ARHGEF7: variants seen among roughly 807,000 people sequenced by gnomAD.
ARHGEF7 encodes the protein PAK-interacting exchange factor beta.
ARHGEF7 carries 33 observed loss-of-function variants against 109.8 expected under a neutral mutation model. That is an observed-to-expected ratio of 0.30 (90% CI 0.23 to 0.40). The LOEUF (loss-of-function observed/expected upper bound fraction) is 0.40. Among genes scored for constraint, ARHGEF7 ranks in the 10% least tolerant of loss-of-function variants. The pLI is 1.00. For missense variants in ARHGEF7, 938 were observed against 1,098.5 expected, an observed-to-expected ratio of 0.85 and a Z score of 2.07; for synonymous variants, 458 against 424.6, an observed-to-expected ratio of 1.08 and a Z score of -0.97.
chr13:111,171,091 A>G (rs2077557878), intron 2 of ARHGEF7, among the ~76,000 whole-genome samples: 1 of 152,240 alleles, frequency 6.6e-6, no homozygotes, highest in African/African-American at 2.4e-5. Flanking sequence ...CAAGGGCTTG[A>G]ACTCAAATGA....
At chr13:111,277,547 G>A in intron 12 of ARHGEF7, 40 bp from the exon 13 acceptor site, 1 of 1,322,592 alleles carries the variant, frequency 7.6e-7, no homozygotes, top group Non-Finnish European at 1.1e-6. Context: ...TTAAGTAGAT[G>A]TTTTTTAAGA....
At chr13:111,159,206 A>C in intron 2 of ARHGEF7, 1 of 635,104 alleles carries the variant, frequency 1.6e-6, no homozygotes, top group Non-Finnish European at 2.8e-6. Context: ...TGTTGCAAAT[A>C]ACAGGATTTC....
rs576635620 is a variant in ARHGEF7 at position 111,297,719 on chromosome 13, G to T, written c.2312-3029G>T. On this transcript the variant is annotated intron_variant, in intron 19 of 21. Coordinates refer to ENST00000646102, the MANE Select transcript of ARHGEF7 (RefSeq NM_001354046.2). ...TCTGGCTGGAGGCAGTGGACACGTG[G>T]CTCATGGCCTCACAACTCCCGTACG... Among the ~76,000 whole-genome samples the T allele has an allele frequency of 4.6e-5, 7 of 152,318 alleles. No individual in the cohort carries two copies. The South Asian group carries it at 1.2e-3, about 27-fold the overall frequency.
At chr13:111,180,559 G>C (rs1234958980) in intron 2 of ARHGEF7, among the ~76,000 whole-genome samples, 1 of 152,230 alleles carries the variant, frequency 6.6e-6, no homozygotes, top group Non-Finnish European at 1.5e-5. Flanking sequence ...GCCCCAGAAG[G>C]CTGTGTTGTA....
intron 8 of ARHGEF7, among the ~76,000 whole-genome samples, chr13:111,264,130 T>C (rs1212037735): frequency 6.6e-6 from 1 of 152,204 alleles, no homozygotes; most frequent in Non-Finnish European, 1.5e-5. Context: ...CCTTCTGTTG[T>C]GTTTTAATAA....
chr13:111,221,478 TAG>T (rs2084200398), intron 5 of ARHGEF7, among the ~76,000 whole-genome samples: 2 of 94,192 alleles, frequency 2.1e-5, no homozygotes, highest in African/African-American at 3.9e-5. Context: ...TCTATATATA[TAG>T]ATATATATAG....
chr13:111,218,621 C>G (rs2083433043), intron 5 of ARHGEF7, among the ~76,000 whole-genome samples: 1 of 152,002 alleles, frequency 6.6e-6, no homozygotes, highest in Non-Finnish European at 1.5e-5. Flanking sequence ...ATAGCTGATA[C>G]ACAGGGAGCT....
chr13:111,293,125 TCTACA>T (rs1313052218), intron 19 of ARHGEF7: 2 of 985,298 alleles, frequency 2.0e-6, no homozygotes, highest in Non-Finnish European at 2.4e-6. Flanking sequence ...CAGTAAAATC[TCTACA>T]CTAACAGTTT....
At position 111,133,763 on chromosome 13, in the gene ARHGEF7, TTATATATATATATATATATATA is replaced by T. The variant is rs763290549; in HGVS notation, c.165+18102_165+18123del. On this transcript the variant is annotated intron_variant, in intron 1 of 21. Transcript: ENST00000646102. Reference sequence around the variant, plus strand: ...GATGGGGCAGAGAATCTGCTTTTCTTTATATATATATATATATATATATATATATATATATATATATATATAT... The same window carrying T: ...GATGGGGCAGAGAATCTGCTTTTCTTTATATATATATATATATATATATAT... Among the ~76,000 whole-genome samples, 14 of 7,376 alleles carry T rather than the reference TTATATATATATATATATATATA, an allele frequency of 1.9e-3. 2 individuals are homozygous for T. The highest frequency in any genetic ancestry group is 7.3e-3 in the African/African-American group (13 of 1,770). The allele number at this position is 7,376 out of a possible 152,430, so 4.8% of individuals were successfully genotyped here.
chr13:111,283,618 G>A (rs1172416720), intron 16 of ARHGEF7, among the ~76,000 whole-genome samples: 2 of 152,196 alleles, frequency 1.3e-5, no homozygotes. Flanking sequence ...TGCACTTGCC[G>A]GAGGAGTGTG....
chr13:111,221,762 ATTAC>A (rs2084438129), intron 5 of ARHGEF7, among the ~76,000 whole-genome samples: 1 of 150,636 alleles, frequency 6.6e-6, no homozygotes, highest in African/African-American at 2.4e-5. Flanking sequence ...CTGTCCCTCT[ATTAC>A]TTCTGTCCCT....
intron 1 of ARHGEF7, among the ~76,000 whole-genome samples, chr13:111,116,153 C>T (rs2066757232): frequency 8.4e-6 from 1 of 118,736 alleles, no homozygotes; most frequent in Non-Finnish European, 1.9e-5. Flanking sequence ...TGACCGGTTG[C>T]TCTGTATTTT....
intron 1 of ARHGEF7, among the ~76,000 whole-genome samples, chr13:111,119,648 C>G: frequency 6.6e-6 from 1 of 152,228 alleles, no homozygotes; most frequent in East Asian, 1.9e-4. Context: ...ATTTCCCAAA[C>G]TGTAACCTGG....
intron 4 of ARHGEF7, among the ~76,000 whole-genome samples, chr13:111,217,405 A>C (rs978537958): frequency 6.6e-6 from 1 of 152,204 alleles, no homozygotes; most frequent in Non-Finnish European, 1.5e-5. Flanking sequence ...AAGTGCGTGT[A>C]GTGTGACTCT....
chr13:111,206,684 G>A (rs1400768528), intron 3 of ARHGEF7, among the ~76,000 whole-genome samples: 9 of 152,108 alleles, frequency 5.9e-5, no homozygotes, highest in Non-Finnish European at 8.8e-5. Flanking sequence ...AATCACAGCC[G>A]GGTGTGGTGG....
chr13:111,297,636 G>A (rs145338735), intron 19 of ARHGEF7, among the ~76,000 whole-genome samples: 44 of 152,318 alleles, frequency 2.9e-4, no homozygotes, highest in Admixed American at 6.5e-4. Context: ...TTGAGACTCA[G>A]TGCTTAAGTG....
chr13:111,149,798 G>A (rs780976021), intron 1 of ARHGEF7, among the ~76,000 whole-genome samples: 4 of 152,162 alleles, frequency 2.6e-5, no homozygotes, highest in Non-Finnish European at 5.9e-5. Context: ...ACGGAATACT[G>A]TGAACATGCT....
At chr13:111,158,895 G>T in intron 2 of ARHGEF7, 1 of 608,544 alleles carries the variant, frequency 1.6e-6, no homozygotes, top group Non-Finnish European at 3.0e-6. Context: ...TAATCTTTTA[G>T]CAATTTTGAA....
intron 19 of ARHGEF7, among the ~76,000 whole-genome samples, chr13:111,296,212 G>C (rs929380204): frequency 6.6e-6 from 1 of 151,356 alleles, no homozygotes; most frequent in Non-Finnish European, 1.5e-5. Flanking sequence ...TTTCTTAAAC[G>C]AAGTTCCATA....
Sources: gnomAD v4.1 joint callset for allele counts (sites outside exome capture counted in the v4.1 genomes callset) on GRCh38, gnomAD v4.1.1 for gene constraint, MANE v1.5 for transcripts, NCBI Gene and HGNC (gene_info 2026-07-23, HGNC 2026-07-21) for gene names.